Variants in RALYL observed in about 807,000 individuals in gnomAD.
The protein encoded by RALYL is RALY RNA binding protein like, also known as RNA-binding Raly-like protein.
A neutral mutation model predicts 35.1 loss-of-function variants in RALYL; 29 were observed. That is an observed-to-expected ratio of 0.83 (90% confidence interval 0.61 to 1.13). The LOEUF (loss-of-function observed/expected upper bound fraction) is 1.13. RALYL is among the 50% of genes most tolerant of loss of function. RALYL has a pLI of 0.00. For synonymous variants in RALYL, 120 were observed against 127.6 expected, an observed-to-expected ratio of 0.94 and a Z score of 0.40; for missense variants, 359 against 360.4, an observed-to-expected ratio of 1.00 and a Z score of 0.03.
At chr8:84,342,493 G>C (rs912800340) in intron 1 of RALYL, among the ~76,000 whole-genome samples, 2 of 151,048 alleles carry the variant, frequency 1.3e-5, no homozygotes, top group African/African-American at 4.9e-5. Context: ...AAAAGCTTTG[G>C]TGCTTGAAGA....
In RALYL at chr8:84,308,518, G is replaced by A. The variant is rs756815136; in HGVS notation, c.-24+124094G>A. 9.9e-5 allele frequency among the ~76,000 whole-genome samples: 15 copies of A among 152,212 alleles called. No homozygotes were observed. In the East Asian group the frequency reaches 1.7e-3, roughly 18 times the overall value. ...TTTTTGACCACAGATATCCAGTCATGCCACCTTGAATAACATTGAGGTCAC... is the reference window on the plus strand; with the variant it reads ...TTTTTGACCACAGATATCCAGTCATACCACCTTGAATAACATTGAGGTCAC... On this transcript the variant is annotated intron_variant, in intron 1 of 8. Transcript: ENST00000521268.
intron 1 of RALYL, among the ~76,000 whole-genome samples, chr8:84,220,993 A>C (rs1822071015): frequency 6.6e-6 from 1 of 151,948 alleles, no homozygotes; most frequent in South Asian, 2.1e-4. Flanking sequence ...ACTTTATAGG[A>C]ACACTATTTT....
At chr8:84,846,086 T>A (rs1417295131) in intron 4 of RALYL, among the ~76,000 whole-genome samples, 1 of 152,212 alleles carries the variant, frequency 6.6e-6, no homozygotes. Flanking sequence ...TCTTGCTTTG[T>A]TCTTTTTGCT....
At chr8:84,501,078 A>G (rs757733204) in intron 1 of RALYL, among the ~76,000 whole-genome samples, 73 of 152,152 alleles carry the variant, frequency 4.8e-4, no homozygotes, top group Non-Finnish European at 9.4e-4. Flanking sequence ...CGCCATTTAC[A>G]TATGGAATTC....
chr8:84,486,923 C>G (rs180809846), intron 1 of RALYL, among the ~76,000 whole-genome samples: 1 of 151,970 alleles, frequency 6.6e-6, no homozygotes, highest in Non-Finnish European at 1.5e-5. Context: ...TCTCTAGAAT[C>G]GATTCATCTT....
chr8:84,676,831 C>A (rs547961165), intron 2 of RALYL, among the ~76,000 whole-genome samples: 81 of 151,910 alleles, frequency 5.3e-4, no homozygotes, highest in African/African-American at 1.9e-3. Flanking sequence ...GAGACAGAGT[C>A]TCGCTTTGTC....
intron 4 of RALYL, among the ~76,000 whole-genome samples, chr8:84,841,030 C>T (rs1299452163): frequency 2.6e-5 from 4 of 152,280 alleles, no homozygotes; most frequent in African/African-American, 9.6e-5. Context: ...ATTGTAAAGA[C>T]CATCGAGTCT....
chr8:84,669,156 T>C (rs1275197422), intron 2 of RALYL, among the ~76,000 whole-genome samples: 1 of 152,170 alleles, frequency 6.6e-6, no homozygotes, highest in African/African-American at 2.4e-5. Context: ...ACTTTCAGTC[T>C]AGTGTTGGTT....
At chr8:84,810,641 G>GTAAT (rs1316160351) in intron 4 of RALYL, among the ~76,000 whole-genome samples, 1 of 152,080 alleles carries the variant, frequency 6.6e-6, no homozygotes, top group Non-Finnish European at 1.5e-5. Context: ...AGGTCTATTA[G>GTAAT]TAATTGTTTT....
chr8:84,750,245 T>C (rs1809638891), intron 2 of RALYL, among the ~76,000 whole-genome samples: 1 of 152,172 alleles, frequency 6.6e-6, no homozygotes, highest in Non-Finnish European at 1.5e-5. Context: ...TTATTTCTTT[T>C]ACAAAAAGAT....
At position 84,712,046 on chromosome 8, in the gene RALYL, T is replaced by C. The variant is rs78207075; in HGVS notation, c.257-62533T>C. 5.8e-3 allele frequency among the ~76,000 whole-genome samples: 889 copies of C among 152,284 alleles called. 9 individuals are homozygous for C. The highest frequency in any genetic ancestry group is 0.02 in the African/African-American group (820 of 41,582). On this transcript the variant is annotated intron_variant, in intron 2 of 8. Coordinates refer to ENST00000521268, the MANE Select transcript of RALYL (RefSeq NM_173848.7). ...ACAAACTATTTTTAGGCTTGATTGG[T>C]AAAGGCTCTCTAGAGGACACTATTA...
intron 1 of RALYL, among the ~76,000 whole-genome samples, chr8:84,257,111 T>A (rs4509323): frequency 0.44 from 66,057 of 151,710 alleles, 14,559 homozygotes; most frequent in East Asian, 0.53. Context: ...TATTTATTAT[T>A]TTGGATATTT....
At chr8:84,686,145 G>A (rs1347527849) in intron 2 of RALYL, among the ~76,000 whole-genome samples, 1 of 151,984 alleles carries the variant, frequency 6.6e-6, no homozygotes, top group African/African-American at 2.4e-5. Context: ...AATTCCTTTA[G>A]AACAAATTTA....
intron 1 of RALYL, among the ~76,000 whole-genome samples, chr8:84,391,719 T>C (rs911581791): frequency 6.6e-6 from 1 of 152,038 alleles, no homozygotes; most frequent in Admixed American, 6.6e-5. Context: ...TATTAGTCTT[T>C]ACCCCCCAGT....
intron 2 of RALYL, among the ~76,000 whole-genome samples, chr8:84,549,475 G>A (rs2060575719): frequency 6.6e-6 from 1 of 152,130 alleles, no homozygotes; most frequent in African/African-American, 2.4e-5. Flanking sequence ...AGGTGGGAGA[G>A]GACAAGGGGC....
In RALYL at chr8:84,624,449, C is replaced by T. The variant is rs74792805; in HGVS notation, c.256+94872C>T. 9.5e-3 allele frequency among the ~76,000 whole-genome samples: 1,439 copies of T among 152,244 alleles called. 11 individuals are homozygous for T. Among genetic ancestry groups the T allele is most frequent in the Non-Finnish European group, 0.014 (930 of 68,000 alleles). On this transcript the variant is annotated intron_variant, in intron 2 of 8. Coordinates refer to ENST00000521268, the MANE Select transcript of RALYL (RefSeq NM_173848.7). Reference sequence around the variant, plus strand: ...GCCATGCACATTCCTTGGCGCATGGCCCCCTTTTTCATCTTCAATGCCAGC... The same window carrying T: ...GCCATGCACATTCCTTGGCGCATGGTCCCCTTTTTCATCTTCAATGCCAGC...
chr8:84,690,496 C>T (rs1481660287), intron 2 of RALYL, among the ~76,000 whole-genome samples: 1 of 151,986 alleles, frequency 6.6e-6, no homozygotes, highest in Non-Finnish European at 1.5e-5. Context: ...GGAGAGTAGA[C>T]CTTAAATGGT....
chr8:84,755,309 T>C (rs1811115832), intron 2 of RALYL, among the ~76,000 whole-genome samples: 1 of 152,192 alleles, frequency 6.6e-6, no homozygotes, highest in Non-Finnish European at 1.5e-5. Context: ...AAATTGTTGT[T>C]AACCCGATAT....
chr8:84,829,600 A>T (rs12550044), intron 4 of RALYL: 4 of 151,818 alleles, frequency 2.6e-5, no homozygotes, highest in East Asian at 2.0e-4. Context: ...TTTTGAAGGA[A>T]GATTATTTCC....
Sources: gnomAD v4.1 joint callset for allele counts (sites outside exome capture counted in the v4.1 genomes callset) on GRCh38, gnomAD v4.1.1 for gene constraint, MANE v1.5 for transcripts, NCBI Gene and HGNC (gene_info 2026-07-23, HGNC 2026-07-21) for gene names.